The following AGPAT5 variants were observed in gnomAD, a reference collection of about 807,000 sequenced individuals.
AGPAT5 encodes 1-acylglycerol-3-phosphate O-acyltransferase 5.
A neutral mutation model predicts 45.6 loss-of-function variants in AGPAT5; 46 were observed. The ratio of observed to expected loss-of-function variants is 1.01; its 90% CI spans 0.80 to 1.29. AGPAT5 has a LOEUF of 1.29. Among genes scored for constraint, AGPAT5 ranks in the 50% most tolerant of loss-of-function variants. The pLI is 0.00. For synonymous variants in AGPAT5, 272 were observed against 167.0 expected (o/e 1.63, Z -4.85); for missense variants, 673 against 450.7 (o/e 1.49, Z -4.47).
In AGPAT5 at chr8:6,731,979, A is replaced by G. The variant is rs572030418; in HGVS notation, c.406-582A>G. On this transcript the variant is annotated intron_variant, in intron 3 of 7. Coordinates refer to ENST00000285518, the MANE Select transcript of AGPAT5 (RefSeq NM_018361.5). ...GTTACACTGGATGACTAATCCTTCT[A>G]CAGAGACTGCTAAGGTCCCACTCTG... Among the ~76,000 whole-genome samples, 61 of 152,276 alleles carry G rather than the reference A, an allele frequency of 4.0e-4. 1 individual carries two copies. The highest frequency in any genetic ancestry group is 1.2e-3 in the African/African-American group (50 of 41,534).
intron 4 of AGPAT5, among the ~76,000 whole-genome samples, chr8:6,736,587 T>C (rs1334176018): frequency 6.6e-6 from 1 of 152,252 alleles, no homozygotes. Context: ...TGCTGCTGGC[T>C]GTGTTTGGTT....
chr8:6,731,203 G>C (rs1490394627), intron 3 of AGPAT5, among the ~76,000 whole-genome samples: 3 of 152,174 alleles, frequency 2.0e-5, no homozygotes, highest in Non-Finnish European at 4.4e-5. Flanking sequence ...TATACTTCAT[G>C]TGAATGTATG....
At chr8:6,733,713 CA>C (rs1019165838) in intron 4 of AGPAT5, among the ~76,000 whole-genome samples, 1 of 151,874 alleles carries the variant, frequency 6.6e-6, no homozygotes, top group Non-Finnish European at 1.5e-5. Context: ...CGACTTTTTA[CA>C]AAAAAAATTT....
chr8:6,723,925 C>G (rs1800592180), intron 1 of AGPAT5, among the ~76,000 whole-genome samples: 1 of 152,158 alleles, frequency 6.6e-6, no homozygotes, highest in Non-Finnish European at 1.5e-5. Flanking sequence ...AAAGCCTTAG[C>G]TAATTTATAA....
chr8:6,712,093 G>A (rs539179401), intron 1 of AGPAT5, among the ~76,000 whole-genome samples: 6 of 152,202 alleles, frequency 3.9e-5, no homozygotes, highest in East Asian at 1.9e-4. Context: ...TAGTTATTTC[G>A]TAGTTTAACT....
chr8:6,715,631 A>T (rs1268175612), intron 1 of AGPAT5, among the ~76,000 whole-genome samples: 2 of 152,192 alleles, frequency 1.3e-5, no homozygotes, highest in Non-Finnish European at 2.9e-5. Flanking sequence ...TTATTTTCTG[A>T]AGATGCTCTG....
intron 1 of AGPAT5, among the ~76,000 whole-genome samples, chr8:6,710,011 C>G (rs1477819369): frequency 2.6e-5 from 4 of 152,204 alleles, no homozygotes; most frequent in Non-Finnish European, 5.9e-5. Context: ...TATATGGTAA[C>G]TCCACCAAGT....
intron 1 of AGPAT5, among the ~76,000 whole-genome samples, chr8:6,713,486 A>G (rs1052823931): frequency 3.3e-5 from 5 of 152,210 alleles, no homozygotes; most frequent in African/African-American, 1.2e-4. Flanking sequence ...AGTGTGAAAA[A>G]CACAAGAAAG....
At chr8:6,722,957 G>T (rs985290190) in intron 1 of AGPAT5, among the ~76,000 whole-genome samples, 1 of 152,092 alleles carries the variant, frequency 6.6e-6, no homozygotes, top group African/African-American at 2.4e-5. Flanking sequence ...AAGAAAAGCC[G>T]TATGTTTTCT....
intron 6 of AGPAT5, among the ~76,000 whole-genome samples, chr8:6,750,051 C>A (rs551835564): frequency 6.6e-6 from 1 of 152,224 alleles, no homozygotes; most frequent in Non-Finnish European, 1.5e-5. Flanking sequence ...GTGGCCAATC[C>A]TGCTTTCCAC....
intron 4 of AGPAT5, among the ~76,000 whole-genome samples, chr8:6,736,061 C>T (rs1374447243): frequency 6.6e-6 from 1 of 152,034 alleles, no homozygotes; most frequent in Non-Finnish European, 1.5e-5. Context: ...ACCATGTTGG[C>T]CAGGCTGGTC....
chr8:6,723,887 A>G (rs1800591180), intron 1 of AGPAT5, among the ~76,000 whole-genome samples: 1 of 152,240 alleles, frequency 6.6e-6, no homozygotes, highest in Non-Finnish European at 1.5e-5. Context: ...TGACCAAAAG[A>G]TAATCCTTAT....
chr8:6,717,927 A>T (rs762432865), intron 1 of AGPAT5, among the ~76,000 whole-genome samples: 13 of 152,222 alleles, frequency 8.5e-5, no homozygotes, highest in Non-Finnish European at 2.9e-5. Flanking sequence ...CAGTCAAAAG[A>T]TTTTGGGATC....
intron 6 of AGPAT5, 70 bp downstream of exon 6, chr8:6,747,898 G>C (rs1478373418): frequency 2.1e-6 from 3 of 1,458,958 alleles, no homozygotes; most frequent in South Asian, 1.4e-5. Context: ...GTAGAATTCA[G>C]TTTTACAAAG....
intron 4 of AGPAT5, among the ~76,000 whole-genome samples, chr8:6,734,913 T>G (rs1165645020): frequency 2.0e-5 from 3 of 152,082 alleles, no homozygotes; most frequent in African/African-American, 7.2e-5. Context: ...TTTTCCTCAG[T>G]GTCTATTTCA....
At chr8:6,709,542 A>G (rs1481448575) in intron 1 of AGPAT5, 1 of 146,942 alleles carries the variant, frequency 6.8e-6, no homozygotes, top group Non-Finnish European at 1.5e-5. Context: ...CCTCTTTAAC[A>G]GTAGGTATTT....
chr8:6,729,824 T>TTAATAACA (rs1460189939), intron 2 of AGPAT5, among the ~76,000 whole-genome samples: 2 of 152,236 alleles, frequency 1.3e-5, no homozygotes, highest in Non-Finnish European at 2.9e-5. Context: ...CAACCCTTTG[T>TTAATAACA]TAATAACATA....
intron 3 of AGPAT5, 114 bp downstream of exon 3, chr8:6,730,940 C>T: frequency 1.7e-6 from 1 of 586,528 alleles, no homozygotes; most frequent in Non-Finnish European, 2.8e-6. Context: ...GTGAACACAG[C>T]TCACTGCAGC....
chr8:6,719,582 A>G (rs755179831), intron 1 of AGPAT5, among the ~76,000 whole-genome samples: 1 of 152,244 alleles, frequency 6.6e-6, no homozygotes, highest in Non-Finnish European at 1.5e-5. Context: ...TGCAAATCAG[A>G]CATCACCATT....
Sources: gnomAD v4.1 joint callset for allele counts (sites outside exome capture counted in the v4.1 genomes callset) on GRCh38, gnomAD v4.1.1 for gene constraint, MANE v1.5 for transcripts, NCBI Gene and HGNC (gene_info 2026-07-23, HGNC 2026-07-21) for gene names.